The following EBF1 variants were observed in gnomAD, a reference collection of about 807,000 sequenced individuals.
EBF1 encodes transcription factor COE1.
Under a neutral mutation model 68.4 loss-of-function variants are expected in EBF1, and 10 were observed. The ratio of observed to expected loss-of-function variants is 0.15; its 90% confidence interval spans 0.09 to 0.25. EBF1 has a LOEUF of 0.25. Ranked by LOEUF, EBF1 falls within the 10% of genes least tolerant of loss-of-function variation. The pLI is 1.00. For synonymous variants in EBF1, 298 were observed against 299.8 expected (o/e 0.99, Z 0.06); for missense variants, 509 against 794.4 (o/e 0.64, Z 4.32).
intron 10 of EBF1, among the ~76,000 whole-genome samples, chr5:158,758,894 T>C (rs1770749617): frequency 6.6e-6 from 1 of 152,166 alleles, no homozygotes; most frequent in African/African-American, 2.4e-5. Flanking sequence ...AGATAATATG[T>C]TGTCACTCCC....
intron 6 of EBF1, among the ~76,000 whole-genome samples, chr5:158,927,112 G>T (rs139003108): frequency 6.6e-6 from 1 of 152,184 alleles, no homozygotes; most frequent in Non-Finnish European, 1.5e-5. Flanking sequence ...ATTTGCAGCG[G>T]TATTACTGTG....
rs1227952207 is a variant in EBF1 at position 158,713,039 on chromosome 5, T to C, written c.1300A>G (p.Met434Val). The C allele has an allele frequency of 2.5e-6, 4 of 1,589,044 alleles. No homozygotes were observed. The African/African-American group carries it at 5.4e-5, about 21-fold the overall frequency. The change falls in exon 13 of 16, where the codon ATG becomes GTG. Residue 434 changes from methionine (M) to valine (V), a missense_variant. Transcript: ENST00000313708. Reference protein sequence around the residue: ...LANTSVHAGMMGVNSFSGQLA... With the variant: ...LANTSVHAGMVGVNSFSGQLA... ...TGTCCACTGAACGAATTCACGCCCA[T>C]CATCCCTGCGTGGACCGAGGTGTTA... is the stretch of plus-strand genomic sequence containing the variant.
intron 6 of EBF1, among the ~76,000 whole-genome samples, chr5:158,957,420 A>G (rs1817355374): frequency 6.6e-6 from 1 of 152,238 alleles, no homozygotes; most frequent in African/African-American, 2.4e-5. Flanking sequence ...GTTTTGTTGC[A>G]AATTAGGTCT....
At chr5:158,776,751 C>A (rs966115135) in intron 10 of EBF1, among the ~76,000 whole-genome samples, 1 of 152,148 alleles carries the variant, frequency 6.6e-6, no homozygotes, top group South Asian at 2.1e-4. Flanking sequence ...TGTAAAAGAT[C>A]CCTGGGTATT....
chr5:158,931,769 A>G (rs1810938697), intron 6 of EBF1, among the ~76,000 whole-genome samples: 1 of 152,178 alleles, frequency 6.6e-6, no homozygotes, highest in Non-Finnish European at 1.5e-5. Flanking sequence ...ATATAGAGAG[A>G]GGCATAGGGG....
chr5:158,722,118 C>T (rs923367248), intron 11 of EBF1, among the ~76,000 whole-genome samples: 15 of 152,138 alleles, frequency 9.9e-5, no homozygotes, highest in African/African-American at 4.8e-5. Context: ...AAGACCAACG[C>T]TGTGGGTTAG....
intron 6 of EBF1, among the ~76,000 whole-genome samples, chr5:158,942,187 C>A (rs1217617371): frequency 6.6e-6 from 1 of 152,124 alleles, no homozygotes; most frequent in African/African-American, 2.4e-5. Flanking sequence ...ATACTTTTAT[C>A]TCATTGTGAA....
chr5:158,966,172 A>G (rs1354935808), intron 6 of EBF1, among the ~76,000 whole-genome samples: 1 of 152,130 alleles, frequency 6.6e-6, no homozygotes, highest in Admixed American at 6.5e-5. Flanking sequence ...TCTTGGGAAA[A>G]TGTTTTATAT....
intron 6 of EBF1, among the ~76,000 whole-genome samples, chr5:158,845,780 A>G (rs2127984451): frequency 6.6e-6 from 1 of 152,278 alleles, no homozygotes; most frequent in Middle Eastern, 3.4e-3. Context: ...CCCAAAGGCT[A>G]AGACACATAA....
chr5:158,738,805 C>T (rs1039676212), intron 10 of EBF1, among the ~76,000 whole-genome samples: 2 of 152,166 alleles, frequency 1.3e-5, no homozygotes, highest in African/African-American at 4.8e-5. Context: ...ATTTGCCACA[C>T]ATTAACAAGT....
chr5:159,067,899 C>T (rs1347738548), intron 6 of EBF1, among the ~76,000 whole-genome samples: 1 of 152,090 alleles, frequency 6.6e-6, no homozygotes, highest in African/African-American at 2.4e-5. Context: ...AATTATCCTG[C>T]CTAGGGCAAT....
At chr5:158,983,657 G>C (rs1758355535) in intron 6 of EBF1, 1 of 152,098 alleles carries the variant, frequency 6.6e-6, no homozygotes, top group Non-Finnish European at 1.5e-5. Flanking sequence ...ACTCCCTATT[G>C]GCTCTAATGT....
intron 10 of EBF1, among the ~76,000 whole-genome samples, chr5:158,771,935 T>G (rs1288713586): frequency 6.6e-6 from 1 of 152,046 alleles, no homozygotes; most frequent in Admixed American, 6.5e-5. Flanking sequence ...CAGAGAACAC[T>G]TCAGAGAGGT....
intron 6 of EBF1, among the ~76,000 whole-genome samples, chr5:159,017,600 A>G (rs911390293): frequency 2.6e-5 from 4 of 152,214 alleles, no homozygotes; most frequent in African/African-American, 4.8e-5. Context: ...TGGCTTGTTT[A>G]ATGTGATAAA....
At chr5:158,919,366 T>G (rs182495716) in intron 6 of EBF1, among the ~76,000 whole-genome samples, 3 of 152,132 alleles carry the variant, frequency 2.0e-5, no homozygotes, top group Non-Finnish European at 4.4e-5. Flanking sequence ...GGTTATCTCA[T>G]AGATAACACC....
At chr5:159,084,557 A>G in intron 5 of EBF1, 109 bp downstream of exon 5, 1 of 941,500 alleles carries the variant, frequency 1.1e-6, no homozygotes, top group Non-Finnish European at 1.5e-6. Flanking sequence ...TATAGAAGCA[A>G]GACAAATGTG....
intron 6 of EBF1, among the ~76,000 whole-genome samples, chr5:158,933,343 C>T (rs1811309658): frequency 6.6e-6 from 1 of 152,104 alleles, no homozygotes; most frequent in South Asian, 2.1e-4. Context: ...ATAATTACAA[C>T]TAAAATGAAG....
chr5:158,983,408 A>G (rs543869023), intron 6 of EBF1: 2 of 152,150 alleles, frequency 1.3e-5, no homozygotes, highest in Admixed American at 6.5e-5. Context: ...TGCTGCATCC[A>G]CTCGTGGAGG....
At chr5:158,965,941 C>T (rs1324812191) in intron 6 of EBF1, among the ~76,000 whole-genome samples, 2 of 152,192 alleles carry the variant, frequency 1.3e-5, no homozygotes, top group African/African-American at 4.8e-5. Flanking sequence ...TGATAATCTA[C>T]ATCCTAATGG....
Sources: gnomAD v4.1 joint callset for allele counts (sites outside exome capture counted in the v4.1 genomes callset) on GRCh38, gnomAD v4.1.1 for gene constraint, MANE v1.5 for transcripts, NCBI Gene and HGNC (gene_info 2026-07-23, HGNC 2026-07-21) for gene names.